SLC4A10: variants seen among roughly 807,000 people sequenced by gnomAD.
SLC4A10 encodes the protein solute carrier family 4 member 10.
In SLC4A10, 42 loss-of-function variants were observed where a neutral mutation model predicts 137.7. That is an observed-to-expected ratio of 0.30 (90% CI 0.24 to 0.39). The LOEUF (loss-of-function observed/expected upper bound fraction) is 0.39, where lower values mean the gene tolerates loss of function less well. Ranked by LOEUF, SLC4A10 falls within the 10% of genes least tolerant of loss-of-function variation. The pLI, the probability that SLC4A10 is intolerant of heterozygous loss-of-function variation, is 1.00. For synonymous variants in SLC4A10, 474 were observed against 464.1 expected (o/e 1.02, Z -0.27); for missense variants, 925 against 1,355.0 (o/e 0.68, Z 4.98).
chr2:161,658,372 G>C (rs537779679), intron 1 of SLC4A10, among the ~76,000 whole-genome samples: 1 of 152,308 alleles, frequency 6.6e-6, no homozygotes, highest in African/African-American at 2.4e-5. Flanking sequence ...CAGAGTAGGA[G>C]AAAGCATTCT....
At chr2:161,686,526 A>C (rs997021097) in intron 1 of SLC4A10, among the ~76,000 whole-genome samples, 4 of 152,222 alleles carry the variant, frequency 2.6e-5, no homozygotes, top group African/African-American at 7.2e-5. Flanking sequence ...GTGGAGCATC[A>C]ATTTCTTATG....
Position 161,947,585 on chromosome 2 carries a change from G to C in SLC4A10, c.2123G>C (p.Gly708Ala), listed in dbSNP as rs779213440. 6.2e-7 allele frequency: 1 copy of C among 1,611,584 alleles called. No individual in the cohort carries two copies. Among genetic ancestry groups the C allele is most frequent in the Middle Eastern group, 1.7e-4 (1 of 6,046 alleles). ...TGGCAGGAATGCAAATCATTGCATG[G>C]AGAGTATGTTGGACGGGCCTGTGGC... is the stretch of plus-strand genomic sequence containing the variant. ...LTVSECKSLH[G>A]EYVGRACGHD... The change falls in exon 17 of 27, where the codon GGA becomes GCA. Residue 708 changes from glycine to alanine, a missense_variant. Gly to Ala is a moderately conservative substitution (Grantham distance 60, BLOSUM62 0). Transcript: ENST00000446997.
chr2:161,859,432 A>G (rs573082546), intron 5 of SLC4A10, among the ~76,000 whole-genome samples: 1 of 151,220 alleles, frequency 6.6e-6, no homozygotes, highest in African/African-American at 2.4e-5. Context: ...CTGGGACTAC[A>G]GGCACACGGC....
chr2:161,825,673 A>G (rs2057971703), intron 3 of SLC4A10, among the ~76,000 whole-genome samples: 1 of 152,286 alleles, frequency 6.6e-6, no homozygotes, highest in East Asian at 1.9e-4. Flanking sequence ...TGCTCTGGTA[A>G]ATACTGAAAG....
chr2:161,670,312 T>TC (rs398104925), intron 1 of SLC4A10, among the ~76,000 whole-genome samples: 1 of 151,394 alleles, frequency 6.6e-6, no homozygotes, highest in Admixed American at 6.6e-5. Context: ...TTTTTTTTTT[T>TC]CCATCCACAG....
chr2:161,919,395 G>A (rs1219126790), intron 15 of SLC4A10, among the ~76,000 whole-genome samples: 1 of 152,114 alleles, frequency 6.6e-6, no homozygotes, highest in Non-Finnish European at 1.5e-5. Flanking sequence ...GCAGACTGGA[G>A]TGAGAAATAT....
Position 161,654,383 on chromosome 2 carries a change from T to A in SLC4A10, c.48+29817T>A, listed in dbSNP as rs180726892. Reference sequence around the variant, plus strand: ...TCTTTGCTGGGCAGAATAATTTTTGTTTGTTGTAGTTGCATTTGTATATTT... The same window carrying A: ...TCTTTGCTGGGCAGAATAATTTTTGATTGTTGTAGTTGCATTTGTATATTT... On this transcript the variant is annotated intron_variant, in intron 1 of 26. Transcript: ENST00000446997. 5.3e-5 allele frequency among the ~76,000 whole-genome samples: 8 copies of A among 152,322 alleles called. No homozygotes were observed. The East Asian group carries it at 1.5e-3, about 29-fold the overall frequency.
At chr2:161,689,402 A>C (rs1208328485) in intron 1 of SLC4A10, among the ~76,000 whole-genome samples, 1 of 152,158 alleles carries the variant, frequency 6.6e-6, no homozygotes, top group East Asian at 1.9e-4. Context: ...TGACTAGATA[A>C]GTTTGGATTC....
Position 161,756,766 on chromosome 2 carries a change from G to A in SLC4A10, c.49-14207G>A, listed in dbSNP as rs2049695546. Among the ~76,000 whole-genome samples, 3 of 152,198 alleles carry A rather than the reference G, an allele frequency of 2.0e-5. No homozygotes were observed. The South Asian group carries it at 6.2e-4, about 32-fold the overall frequency. On this transcript the variant is annotated intron_variant, in intron 1 of 26. Transcript: ENST00000446997. ...TCCAGGAAGAGAAAGAAGACAGCAT[G>A]ATACTGTGAGTATTAATAGTATAAG...
At chr2:161,719,830 C>T (rs1373351727) in intron 1 of SLC4A10, among the ~76,000 whole-genome samples, 13 of 151,830 alleles carry the variant, frequency 8.6e-5, no homozygotes, top group Admixed American at 7.9e-4. Flanking sequence ...AAAATTTTCT[C>T]CCATTTTGTA....
chr2:161,658,127 C>G (rs2037798564), intron 1 of SLC4A10, among the ~76,000 whole-genome samples: 1 of 152,138 alleles, frequency 6.6e-6, no homozygotes, highest in Non-Finnish European at 1.5e-5. Flanking sequence ...AGGAGATAGT[C>G]AGTCTTTTCA....
At chr2:161,929,100 C>A (rs1452949933) in intron 15 of SLC4A10, among the ~76,000 whole-genome samples, 1 of 152,034 alleles carries the variant, frequency 6.6e-6, no homozygotes, top group Non-Finnish European at 1.5e-5. Flanking sequence ...CTGAGGTAAA[C>A]TAACTGACCA....
At chr2:161,652,729 C>A (rs6432699) in intron 1 of SLC4A10, among the ~76,000 whole-genome samples, 119,721 of 151,654 alleles carry the variant, frequency 0.79, 47,582 homozygotes, top group East Asian at 0.85. Context: ...GATTTTATGA[C>A]CATTGATCAG....
At chr2:161,817,416 C>T (rs912294595) in intron 3 of SLC4A10, among the ~76,000 whole-genome samples, 22 of 152,178 alleles carry the variant, frequency 1.4e-4, no homozygotes, top group African/African-American at 5.3e-4. Context: ...AAAATTTTCT[C>T]CCATTTTGTA....
At chr2:161,930,346 TA>T (rs143817424) in intron 15 of SLC4A10, among the ~76,000 whole-genome samples, 7,936 of 152,140 alleles carry the variant, frequency 0.052, 318 homozygotes, top group African/African-American at 0.12. Context: ...TTTGCAGATT[TA>T]ATGCAATTAT....
Position 161,983,344 on chromosome 2 carries a change from C to A in SLC4A10, c.*192C>A. On this transcript the variant is annotated 3_prime_UTR_variant, in exon 27 of 27. Coordinates refer to ENST00000446997, the MANE Select transcript of SLC4A10 (RefSeq NM_001178015.2). ...GTATTGTAAATTCTGTCCCTCAACC[C>A]AAATCCACCTTCATACTGTAAGTAG... is the stretch of plus-strand genomic sequence containing the variant. 1 of 1,059,620 alleles carries A rather than the reference C, an allele frequency of 9.4e-7. No individual in the cohort carries two copies. Among genetic ancestry groups the A allele is most frequent in the Non-Finnish European group, 1.4e-6 (1 of 731,180 alleles). 65.6% of individuals were successfully genotyped at this position (1,059,620 alleles called of 1,614,324 possible).
chr2:161,962,083 A>T (rs1052421038), intron 21 of SLC4A10, among the ~76,000 whole-genome samples: 1 of 152,220 alleles, frequency 6.6e-6, no homozygotes, highest in East Asian at 1.9e-4. Context: ...ATTTAAACAT[A>T]TGCTAAATAT....
At chr2:161,864,595 TTACA>T (rs1373579473) in intron 6 of SLC4A10, among the ~76,000 whole-genome samples, 2 of 152,182 alleles carry the variant, frequency 1.3e-5, no homozygotes, top group Non-Finnish European at 2.9e-5. Flanking sequence ...GTCATTTTTG[TTACA>T]TACAAGAGTC....
intron 6 of SLC4A10, among the ~76,000 whole-genome samples, chr2:161,870,533 T>A (rs1299498459): frequency 6.6e-6 from 1 of 151,866 alleles, no homozygotes; most frequent in Non-Finnish European, 1.5e-5. Flanking sequence ...ATTCAATAAA[T>A]TTAGTTTTAA....
Sources: gnomAD v4.1 joint callset for allele counts (sites outside exome capture counted in the v4.1 genomes callset) on GRCh38, gnomAD v4.1.1 for gene constraint, MANE v1.5 for transcripts, NCBI Gene and HGNC (gene_info 2026-07-23, HGNC 2026-07-21) for gene names.